Variants in EXD2 observed in about 807,000 individuals in gnomAD.
The protein encoded by EXD2 is exonuclease 3'-5' domain containing 2.
Under a neutral mutation model 62.5 loss-of-function variants are expected in EXD2, and 40 were observed. That is an observed-to-expected ratio of 0.64 (90% CI 0.50 to 0.83). EXD2 has a LOEUF of 0.83. EXD2 is among the 40% of genes least tolerant of loss of function. The pLI is 0.00. For missense variants in EXD2, 671 were observed against 761.8 expected (o/e 0.88, Z 1.40); for synonymous variants, 239 against 291.9 (o/e 0.82, Z 1.85).
At position 69,242,065 on chromosome 14, in the gene EXD2, T is replaced by A. The variant is rs112897794; in HGVS notation, c.*965T>A. ...CTGGTCAGGTTGCAATATGAGGACT[T>A]CTCTGTCTCCTCTGAAGCCTGGGAC... On this transcript the variant is annotated 3_prime_UTR_variant, in exon 10 of 10. Transcript: ENST00000685843. 2.5e-6 allele frequency: 1 copy of A among 398,542 alleles called. No individual in the cohort carries two copies. Among genetic ancestry groups the A allele is most frequent in the African/African-American group, 2.1e-5 (1 of 48,652 alleles). The allele number at this position is 398,542 out of a possible 1,614,324, so 24.7% of individuals were successfully genotyped here.
rs1379294200 is a variant in EXD2, at chr14:69,238,218, TG to T, written c.1649+288del. Among the ~76,000 whole-genome samples the T allele has an allele frequency of 2.0e-5, 3 of 152,308 alleles. No individual in the cohort carries two copies. In the East Asian group the frequency reaches 5.8e-4, roughly 29 times the overall value. On this transcript the variant is annotated intron_variant, in intron 9 of 9. Coordinates refer to ENST00000685843, the MANE Select transcript of EXD2 (RefSeq NM_001193360.2). ...TTTGTGATTAGCGTGCGAGTGCAGT[TG>T]TGGTGGAGCTGCATCTTACACATTC...
rs2042402768 is a variant in EXD2, at chr14:69,201,672, G to GTTTTTTGTTTTTTTTTTTTTTTTTTTT, written c.-131-2239_-131-2238insGTTTTTTTTTTTTTTTTTTTTTTTTTT. 6.8e-5 allele frequency among the ~76,000 whole-genome samples: 4 copies of GTTTTTTGTTTTTTTTTTTTTTTTTTTT among 58,994 alleles called. 1 individual carries two copies. The highest frequency in any genetic ancestry group is 2.7e-4 in the African/African-American group (4 of 14,692). The allele number at this position is 58,994 out of a possible 152,430, so 38.7% of individuals were successfully genotyped here. On this transcript the variant is annotated intron_variant, in intron 1 of 9. Transcript: ENST00000685843. ...GTCTCTCTCAGCAAGTGTTTTCTCT[G>GTTTTTTGTTTTTTTTTTTTTTTTTTTT]TTTTTTTTTTTTTTTTTTTTTTTTT...
At chr14:69,205,010 T>G (rs2042539643) in intron 2 of EXD2, among the ~76,000 whole-genome samples, 1 of 152,194 alleles carries the variant, frequency 6.6e-6, no homozygotes, top group Non-Finnish European at 1.5e-5. Flanking sequence ...ACAGGCTGTT[T>G]CCAGTTTTTG....
At chr14:69,232,489 T>TA (rs2043621278) in intron 5 of EXD2, among the ~76,000 whole-genome samples, 2 of 152,380 alleles carry the variant, frequency 1.3e-5, no homozygotes, top group Admixed American at 6.5e-5. Flanking sequence ...CCAAAGTAGC[T>TA]ACACCATTTT....
chr14:69,198,768 C>T (rs1266802784), intron 1 of EXD2, among the ~76,000 whole-genome samples: 2 of 152,164 alleles, frequency 1.3e-5, no homozygotes, highest in Non-Finnish European at 2.9e-5. Context: ...CACACTTACA[C>T]GAACCTAGAT....
Position 69,209,965 on chromosome 14 carries a change from TC to T in EXD2, c.333+164del, listed in dbSNP as rs1179649528. On this transcript the variant is annotated intron_variant, in intron 3 of 9. Transcript: ENST00000685843. ...TTTTAGCAGAAGAAGAAGCTGCTGTTCCTCTCAGGATGGCGGAGTGCTTACA... is the reference window on the plus strand; with the variant it reads ...TTTTAGCAGAAGAAGAAGCTGCTGTTCTCTCAGGATGGCGGAGTGCTTACA... 3.3e-5 allele frequency: 18 copies of T among 545,286 alleles called. No individual in the cohort carries two copies. The East Asian group carries it at 5.5e-4, about 17-fold the overall frequency. The allele number at this position is 545,286 out of a possible 1,614,324, so 33.8% of individuals were successfully genotyped here.
At chr14:69,212,749 C>G (rs2042854715) in intron 3 of EXD2, among the ~76,000 whole-genome samples, 1 of 140,500 alleles carries the variant, frequency 7.1e-6, no homozygotes, top group Non-Finnish European at 1.5e-5. Flanking sequence ...ACTCTGTCAC[C>G]CAGGCTGGAG....
intron 3 of EXD2, among the ~76,000 whole-genome samples, chr14:69,221,898 C>A (rs866825436): frequency 8.0e-4 from 104 of 130,142 alleles, no homozygotes; most frequent in African/African-American, 3.0e-3. Context: ...ATGGTGAAAC[C>A]CTGTCTCTAC....
intron 3 of EXD2, among the ~76,000 whole-genome samples, chr14:69,212,869 T>G (rs2042858579): frequency 6.6e-6 from 1 of 151,208 alleles, no homozygotes; most frequent in Non-Finnish European, 1.5e-5. Flanking sequence ...CCACCACACC[T>G]GGCTAATTTT....
chr14:69,195,207 A>T (rs1594713434), intron 1 of EXD2, among the ~76,000 whole-genome samples: 1 of 119,588 alleles, frequency 8.4e-6, no homozygotes, highest in East Asian at 2.9e-4. Context: ...ACAGAGCGAG[A>T]CTCTGTCTCA....
intron 3 of EXD2, 57 bp downstream of exon 3, chr14:69,209,860 A>G (rs912299612): frequency 1.8e-5 from 24 of 1,341,334 alleles, no homozygotes; most frequent in African/African-American, 3.0e-5. Context: ...TGCTTTTCCA[A>G]CTGGGACCTT....
intron 3 of EXD2, among the ~76,000 whole-genome samples, chr14:69,212,919 C>T (rs893297085): frequency 3.0e-4 from 46 of 151,374 alleles, no homozygotes; most frequent in African/African-American, 9.9e-4. Context: ...CGGTGTGGTC[C>T]GGGCTGGTTT....
chr14:69,194,815 C>T (rs1465248014), intron 1 of EXD2, among the ~76,000 whole-genome samples: 1 of 152,166 alleles, frequency 6.6e-6, no homozygotes, highest in Non-Finnish European at 1.5e-5. Context: ...TATTGGAAGT[C>T]ATATACTATA....
Position 69,243,761 on chromosome 14 carries a change from A to T in EXD2, c.*2661A>T, listed in dbSNP as rs1465403601. 1.3e-5 allele frequency: 2 copies of T among 152,080 alleles called. No homozygotes were observed. The highest frequency in any genetic ancestry group is 3.9e-4 in the East Asian group (2 of 5,188). 9.4% of individuals were successfully genotyped at this position (152,080 alleles called of 1,614,324 possible). ...TTTAGGAATGAAATGCTTCTCTTTG[A>T]CCCTTTAGCTCCAGTGTCCCAGCAT... On this transcript the variant is annotated 3_prime_UTR_variant, in exon 10 of 10. Transcript: ENST00000685843.
chr14:69,235,742 G>A (rs978461349), intron 6 of EXD2: 4 of 378,736 alleles, frequency 1.1e-5, no homozygotes, highest in African/African-American at 6.3e-5. Flanking sequence ...CAGTTTTCTT[G>A]TTGCTTGGTT....
At chr14:69,237,535 T>C in intron 8 of EXD2, 40 bp from the exon 9 acceptor site, 1 of 1,593,494 alleles carries the variant, frequency 6.3e-7, no homozygotes, top group African/African-American at 1.3e-5. Context: ...TGCTCTGTCA[T>C]ACACTTATGA....
At chr14:69,235,803 TA>T (rs933373748) in intron 6 of EXD2, 8 of 506,178 alleles carry the variant, frequency 1.6e-5, no homozygotes, top group African/African-American at 1.5e-4. Flanking sequence ...ACACACTCCC[TA>T]ATGTCCTAGT....
chr14:69,238,347 T>G (rs1260820413), intron 9 of EXD2, among the ~76,000 whole-genome samples: 1 of 152,118 alleles, frequency 6.6e-6, no homozygotes, highest in Admixed American at 6.6e-5. Context: ...CATTCACCCC[T>G]CAGTATCCAT....
intron 4 of EXD2, among the ~76,000 whole-genome samples, 199 bp downstream of exon 4, chr14:69,229,271 C>A (rs974989815): frequency 6.6e-6 from 1 of 152,190 alleles, no homozygotes; most frequent in Non-Finnish European, 1.5e-5. Context: ...CTTTTTAGAT[C>A]AAACATTACT....
Sources: gnomAD v4.1 joint callset for allele counts (sites outside exome capture counted in the v4.1 genomes callset) on GRCh38, gnomAD v4.1.1 for gene constraint, MANE v1.5 for transcripts, NCBI Gene and HGNC (gene_info 2026-07-23, HGNC 2026-07-21) for gene names.